The following TRAPPC9 variants were observed in gnomAD, a reference collection of about 807,000 sequenced individuals.
The protein encoded by TRAPPC9 is trafficking protein particle complex subunit 9.
A neutral mutation model predicts 124.0 loss-of-function variants in TRAPPC9; 83 were observed. That is an observed-to-expected ratio of 0.67 (90% CI 0.56 to 0.80). The LOEUF (loss-of-function observed/expected upper bound fraction) is 0.80. Ranked by LOEUF, TRAPPC9 falls within the 30% of genes least tolerant of loss-of-function variation. The pLI is 0.00. For synonymous variants in TRAPPC9, 638 were observed against 617.5 expected (o/e 1.03, Z -0.49); for missense variants, 1,302 against 1,508.3 (o/e 0.86, Z 2.27).
chr8:140,000,045 T>A (rs1838288147), intron 18 of TRAPPC9, among the ~76,000 whole-genome samples: 1 of 151,994 alleles, frequency 6.6e-6, no homozygotes, highest in Admixed American at 6.6e-5. Flanking sequence ...TATAGACCAA[T>A]GGAACAGAAC....
intron 17 of TRAPPC9, among the ~76,000 whole-genome samples, chr8:140,206,756 C>CATATATAT (rs150660269): frequency 4.1e-5 from 6 of 145,834 alleles, no homozygotes; most frequent in Admixed American, 2.1e-4. Context: ...CATATACATA[C>CATATATAT]ATATATATAT....
intron 19 of TRAPPC9, among the ~76,000 whole-genome samples, chr8:139,927,754 A>C (rs1366056453): frequency 1.3e-5 from 2 of 152,258 alleles, no homozygotes; most frequent in Non-Finnish European, 2.9e-5. Flanking sequence ...GAATACTTTA[A>C]GAATGAAATA....
At chr8:140,263,079 C>T (rs2064485128) in intron 15 of TRAPPC9, among the ~76,000 whole-genome samples, 1 of 152,198 alleles carries the variant, frequency 6.6e-6, no homozygotes, top group South Asian at 2.1e-4. Context: ...GCCCGGTGTC[C>T]CCAGTGCCCG....
chr8:139,947,907 T>TATATAAATATATAGAGAGAGAGAGAG, intron 19 of TRAPPC9, among the ~76,000 whole-genome samples: 1 of 60,364 alleles, frequency 1.7e-5, no homozygotes, highest in Non-Finnish European at 3.3e-5. Flanking sequence ...TATATATATA[T>TATATAAATATATAGAGAGAGAGAGAG]AGAGAGAGAG....
At chr8:140,260,337 TC>T (rs2064374821) in intron 15 of TRAPPC9, among the ~76,000 whole-genome samples, 1 of 152,060 alleles carries the variant, frequency 6.6e-6, no homozygotes, top group Admixed American at 6.6e-5. Context: ...TTCTATGGTG[TC>T]CTACAAGAGG....
chr8:140,082,839 C>T (rs976468657), intron 17 of TRAPPC9, among the ~76,000 whole-genome samples: 3 of 152,176 alleles, frequency 2.0e-5, no homozygotes, highest in Non-Finnish European at 4.4e-5. Flanking sequence ...CTCAGCTGGT[C>T]ACGTTGACTT....
At chr8:140,456,754 T>G in intron 1 of TRAPPC9, 5 of 982,666 alleles carry the variant, frequency 5.1e-6, no homozygotes, top group Non-Finnish European at 6.0e-6. Flanking sequence ...GTCACCAGTT[T>G]AAACTGGGGC....
chr8:140,103,266 G>A (rs199576260), intron 17 of TRAPPC9, among the ~76,000 whole-genome samples: 5 of 152,020 alleles, frequency 3.3e-5, no homozygotes, highest in South Asian at 2.1e-4. Flanking sequence ...CAGCATTATC[G>A]GGGCAAATAT....
At chr8:140,051,026 G>C (rs756433740) in intron 17 of TRAPPC9, among the ~76,000 whole-genome samples, 13 of 152,194 alleles carry the variant, frequency 8.5e-5, no homozygotes, top group Non-Finnish European at 1.8e-4. Flanking sequence ...ACACAATCTC[G>C]TACAGAGAGG....
chr8:140,431,829 G>C (rs899763001), intron 4 of TRAPPC9, among the ~76,000 whole-genome samples: 1 of 152,124 alleles, frequency 6.6e-6, no homozygotes, highest in African/African-American at 2.4e-5. Context: ...TGCAAAACTG[G>C]GTGCAATACT....
chr8:140,318,500 C>T (rs1378550343), intron 9 of TRAPPC9, among the ~76,000 whole-genome samples: 1 of 152,232 alleles, frequency 6.6e-6, no homozygotes, highest in Non-Finnish European at 1.5e-5. Context: ...CTAACTGAGG[C>T]TTTCTACCTT....
chr8:140,076,507 G>A (rs1442729990), intron 17 of TRAPPC9, among the ~76,000 whole-genome samples: 2 of 152,260 alleles, frequency 1.3e-5, no homozygotes, highest in Non-Finnish European at 2.9e-5. Flanking sequence ...AGAGTGCAGA[G>A]GAGAGCGCCA....
At chr8:139,792,795 A>G (rs770826100) in intron 21 of TRAPPC9, among the ~76,000 whole-genome samples, 5 of 152,242 alleles carry the variant, frequency 3.3e-5, no homozygotes, top group African/African-American at 4.8e-5. Flanking sequence ...CTGGAGCAAT[A>G]GTGCTGCTAT....
chr8:139,932,725 C>A (rs1385856161), intron 19 of TRAPPC9: 3 of 360,538 alleles, frequency 8.3e-6, no homozygotes, highest in Non-Finnish European at 1.6e-5. Context: ...GATGGTACCT[C>A]TGCACTGCAG....
chr8:139,979,712 G>C (rs1046620701), intron 19 of TRAPPC9, among the ~76,000 whole-genome samples: 2 of 152,120 alleles, frequency 1.3e-5, no homozygotes, highest in African/African-American at 2.4e-5. Flanking sequence ...CAGTGTCGAG[G>C]AGGACAGGAC....
chr8:139,889,189 C>T (rs1830188537), intron 20 of TRAPPC9, among the ~76,000 whole-genome samples: 1 of 152,170 alleles, frequency 6.6e-6, no homozygotes, highest in Non-Finnish European at 1.5e-5. Context: ...GGGGAATAAG[C>T]CAGGTACAAC....
At chr8:140,310,881 A>G (rs946782055) in intron 10 of TRAPPC9, among the ~76,000 whole-genome samples, 9 of 152,010 alleles carry the variant, frequency 5.9e-5, no homozygotes, top group Admixed American at 2.0e-4. Context: ...GCTGGGGTGC[A>G]TGGCCTGCGG....
intron 16 of TRAPPC9, among the ~76,000 whole-genome samples, chr8:140,237,118 T>C (rs144300965): frequency 0.018 from 2,661 of 151,830 alleles, 68 homozygotes; most frequent in African/African-American, 0.061. Context: ...GAGGTGGAGG[T>C]TGCAGTGAGC....
chr8:140,034,434 G>A (rs1025720637), intron 17 of TRAPPC9, among the ~76,000 whole-genome samples: 1 of 152,162 alleles, frequency 6.6e-6, no homozygotes, highest in Admixed American at 6.5e-5. Flanking sequence ...CTGTGATCCT[G>A]CAAAGCCCAG....
Sources: gnomAD v4.1 joint callset for allele counts (sites outside exome capture counted in the v4.1 genomes callset) on GRCh38, gnomAD v4.1.1 for gene constraint, MANE v1.5 for transcripts, NCBI Gene and HGNC (gene_info 2026-07-23, HGNC 2026-07-21) for gene names.